Variants in SCARB1 observed in about 807,000 individuals in gnomAD.
SCARB1 encodes scavenger receptor class B member 1, also known as CD36 and LIMPII analogous 1.
A neutral mutation model predicts 57.2 loss-of-function variants in SCARB1; 30 were observed. The ratio of observed to expected loss-of-function variants is 0.52; its 90% CI spans 0.39 to 0.71. The LOEUF is 0.71. Ranked by LOEUF, SCARB1 falls within the 30% of genes least tolerant of loss-of-function variation. The pLI is 0.00. For missense variants in SCARB1, 543 were observed against 671.2 expected, an observed-to-expected ratio of 0.81 and a Z score of 2.11; for synonymous variants, 249 against 268.3, an observed-to-expected ratio of 0.93 and a Z score of 0.70.
intron 5 of SCARB1, among the ~76,000 whole-genome samples, chr12:124,811,018 C>T (rs762793043): frequency 6.6e-6 from 1 of 152,124 alleles, no homozygotes; most frequent in African/African-American, 2.4e-5. Context: ...GTCATTTTCA[C>T]ACATATTGAG....
At chr12:124,794,358 TATTTTAAA>T in intron 9 of SCARB1, among the ~76,000 whole-genome samples, 1 of 151,808 alleles carries the variant, frequency 6.6e-6, no homozygotes, top group Middle Eastern at 3.4e-3. Flanking sequence ...AAAGCTGTTT[TATTTTAAA>T]AATCAAAAAG....
chr12:124,832,475 G>A (rs1951441510), intron 1 of SCARB1, among the ~76,000 whole-genome samples: 1 of 151,556 alleles, frequency 6.6e-6, no homozygotes, highest in South Asian at 2.1e-4. Context: ...AGCCGAGATT[G>A]TGCCACTGCA....
chr12:124,786,324 G>A (rs768204313), intron 11 of SCARB1, 33 bp downstream of exon 11: 4 of 1,611,948 alleles, frequency 2.5e-6, no homozygotes, highest in East Asian at 4.5e-5. Flanking sequence ...GCGAATGGCT[G>A]TCAGCCCGGG....
At chr12:124,859,413 C>T (rs1952786751) in intron 1 of SCARB1, among the ~76,000 whole-genome samples, 1 of 152,130 alleles carries the variant, frequency 6.6e-6, no homozygotes, top group Non-Finnish European at 1.5e-5. Context: ...CACCTGCAGT[C>T]CCAGCTCCTC....
intron 1 of SCARB1, among the ~76,000 whole-genome samples, chr12:124,820,795 G>A (rs191078252): frequency 1.7e-3 from 252 of 152,340 alleles, no homozygotes; most frequent in Middle Eastern, 0.014. Flanking sequence ...ACAGTGGGGG[G>A]CAGGAGGGAA....
rs1950476045 is a variant in SCARB1, at chr12:124,810,315, C to G, written c.727-26G>C. ...CTGGGGGGAAGCATCCAGACTAGAC[C>G]CCTCAGTAGGGCCAAGGCCCCTTAA... On this transcript the variant is annotated intron_variant, in intron 5 of 12. Coordinates refer to ENST00000261693, the MANE Select transcript of SCARB1 (RefSeq NM_005505.5). This position sits in a 1 kb window ranked among gnomAD's most constrained non-coding sequence, Gnocchi z 4.0. 1 of 1,538,532 alleles carries G rather than the reference C, an allele frequency of 6.5e-7. No homozygotes were observed. Among genetic ancestry groups the G allele is most frequent in the Non-Finnish European group, 9.0e-7 (1 of 1,111,442 alleles).
chr12:124,863,704 T>A lies in SCARB1; in HGVS notation c.17A>T (p.Lys6Ile). 1 of 1,534,692 alleles carries A rather than the reference T, an allele frequency of 6.5e-7. No individual in the cohort carries two copies. Among genetic ancestry groups the A allele is most frequent in the South Asian group, 1.2e-5 (1 of 82,592 alleles). The change falls in exon 1 of 13, where the codon AAA (lysine) becomes ATA (isoleucine). Residue 6 changes from lysine (K) to isoleucine (I), a missense_variant. Lys to Ile is a moderately radical substitution (Grantham distance 102, BLOSUM62 -3). Coordinates refer to ENST00000261693, the MANE Select transcript of SCARB1 (RefSeq NM_005505.5). The part of the protein sequence containing the change: MGCSA[K>I]ARWAAGALGV... ...CAGCGCCCCGGCAGCCCAGCGCGCT[T>A]TGGCGGAGCAGCCCATGTCTGCGCG...
intron 9 of SCARB1, among the ~76,000 whole-genome samples, chr12:124,790,643 C>A (rs372512586): frequency 6.6e-5 from 10 of 152,332 alleles, no homozygotes; most frequent in Non-Finnish European, 1.3e-4. Flanking sequence ...GAAATGAATA[C>A]AGCAACTCAC....
intron 1 of SCARB1, among the ~76,000 whole-genome samples, chr12:124,859,236 C>G (rs1280044041): frequency 2.0e-5 from 3 of 149,464 alleles, no homozygotes; most frequent in Non-Finnish European, 4.4e-5. Flanking sequence ...TCTGTTAAAA[C>G]AAAAATAATG....
intron 1 of SCARB1, among the ~76,000 whole-genome samples, chr12:124,859,500 C>T (rs1237552677): frequency 1.3e-5 from 2 of 151,850 alleles, no homozygotes; most frequent in African/African-American, 2.4e-5. Context: ...CACTGCACTC[C>T]AGCCTGGGCG....
chr12:124,779,568 G>A (rs1406858411), intron 12 of SCARB1, among the ~76,000 whole-genome samples: 3 of 152,224 alleles, frequency 2.0e-5, no homozygotes, highest in African/African-American at 7.2e-5. Context: ...GTCAGCAATG[G>A]CTGCGTCTGG....
rs1304044904 is a variant in SCARB1, at chr12:124,776,859, G to GCTTCAA, written c.*1722_*1727dup. 1.3e-5 allele frequency: 2 copies of GCTTCAA among 152,020 alleles called. No individual in the cohort carries two copies. The highest frequency in any genetic ancestry group is 4.8e-5 in the African/African-American group (2 of 41,378). The allele number at this position is 152,020 out of a possible 1,614,324, so 9.4% of individuals were successfully genotyped here. A position where few individuals can be genotyped will look rare whatever the true frequency, so the allele number is the denominator to read the frequency against. On this transcript the variant is annotated 3_prime_UTR_variant, in exon 13 of 13. Coordinates refer to ENST00000261693, the MANE Select transcript of SCARB1 (RefSeq NM_005505.5). ...CACAAGAAATAAAAAAAAAAAGTTT[G>GCTTCAA]CTTCAACTTATATATTTATGTTGCA...
At position 124,810,933 on chromosome 12, in the gene SCARB1, G is replaced by A. The variant is rs373432592; in HGVS notation, c.727-644C>T. 6.6e-6 allele frequency among the ~76,000 whole-genome samples: 1 copy of A among 152,216 alleles called. No individual in the cohort carries two copies. Among genetic ancestry groups the A allele is most frequent in the African/African-American group, 2.4e-5 (1 of 41,446 alleles). On this transcript the variant is annotated intron_variant, in intron 5 of 12. Coordinates refer to ENST00000261693, the MANE Select transcript of SCARB1 (RefSeq NM_005505.5). The surrounding 1 kb of genome is among the most constrained non-coding windows in gnomAD (Gnocchi z 4.0). ...ATTTTTGCCACTCTGGGCACCGGTT[G>A]GGGTACGATTTGTCCCTAGCCCTCA...
At chr12:124,825,093 C>T (rs560596859) in intron 1 of SCARB1, among the ~76,000 whole-genome samples, 2 of 151,902 alleles carry the variant, frequency 1.3e-5, no homozygotes, top group Non-Finnish European at 2.9e-5. Context: ...GGCGTGGTGG[C>T]AGATGCCTGT....
intron 1 of SCARB1, among the ~76,000 whole-genome samples, chr12:124,845,830 A>C (rs1952124501): frequency 7.0e-6 from 1 of 143,772 alleles, no homozygotes; most frequent in Admixed American, 7.2e-5. Context: ...ACATGGTGAA[A>C]CCCGTCTCTA....
chr12:124,860,525 A>C (rs1406704818), intron 1 of SCARB1, among the ~76,000 whole-genome samples: 8 of 152,248 alleles, frequency 5.3e-5, no homozygotes, highest in Non-Finnish European at 1.2e-4. Flanking sequence ...ATGATAAATC[A>C]GTAATTACCA....
chr12:124,808,405 C>T (rs1205727989), intron 6 of SCARB1, among the ~76,000 whole-genome samples: 1 of 152,190 alleles, frequency 6.6e-6, no homozygotes, highest in African/African-American at 2.4e-5. Flanking sequence ...ATTCATTGAC[C>T]TTATCTAGCC....
intron 9 of SCARB1, among the ~76,000 whole-genome samples, chr12:124,790,540 G>A (rs1949687771): frequency 6.6e-6 from 1 of 152,230 alleles, no homozygotes; most frequent in South Asian, 2.1e-4. Flanking sequence ...TAGCCTTGTT[G>A]TGTTCCTTTC....
chr12:124,834,914 C>G (rs575761730), intron 1 of SCARB1, among the ~76,000 whole-genome samples: 30 of 151,766 alleles, frequency 2.0e-4, no homozygotes, highest in African/African-American at 7.3e-4. Flanking sequence ...TCCACCCCCC[C>G]AAAAAAAAGG....
Sources: allele counts gnomAD v4.1 joint callset (sites outside exome capture counted in the v4.1 genomes callset), GRCh38; gene constraint gnomAD v4.1.1; non-coding constraint Gnocchi (gnomAD v3.1); transcripts MANE v1.5; gene names NCBI Gene and HGNC (gene_info 2026-07-23, HGNC 2026-07-21).